C4orf50: variants seen among roughly 807,000 people sequenced by gnomAD.
The protein encoded by C4orf50 is uncharacterized protein C4orf50.
Under a neutral mutation model 77.2 loss-of-function variants are expected in C4orf50, and 80 were observed. The observed-to-expected ratio is 1.04, with a 90% confidence interval of 0.87 to 1.25. The LOEUF (loss-of-function observed/expected upper bound fraction) is 1.25, where lower values mean the gene tolerates loss of function less well. C4orf50 is among the 50% of genes most tolerant of loss of function. The pLI is 0.00. For missense variants in C4orf50, 1,257 were observed against 1,152.9 expected (o/e 1.09, Z -1.31); for synonymous variants, 532 against 465.3 (o/e 1.14, Z -1.84).
At chr4:5,977,558 T>C (rs1379947477) in intron 29 of C4orf50, among the ~76,000 whole-genome samples, 2 of 152,202 alleles carry the variant, frequency 1.3e-5, no homozygotes, top group African/African-American at 4.8e-5. Flanking sequence ...TTGCATGTTA[T>C]TTAATTACAA....
intron 7 of C4orf50, chr4:5,898,796 T>C (rs552090460): frequency 6.6e-6 from 1 of 152,364 alleles, no homozygotes; most frequent in African/African-American, 2.4e-5. Flanking sequence ...AAAGGGATCA[T>C]CAGCCCATGC....
In C4orf50 at chr4:6,011,146, A is replaced by G. The variant is rs1378416208; in HGVS notation, c.426+684T>C. 6.6e-6 allele frequency among the ~76,000 whole-genome samples: 1 copy of G among 151,938 alleles called. No individual in the cohort carries two copies. Among genetic ancestry groups the G allele is most frequent in the Non-Finnish European group, 1.5e-5 (1 of 67,980 alleles). ...TCATCTCTCTCTCCCATGCAGGGAG[A>G]ATGGCATTCCCCAAATGACCATCTG... On this transcript the variant is annotated intron_variant, in intron 24 of 33. Transcript: ENST00000531445. This position sits in a 1 kb window ranked among gnomAD's most constrained non-coding sequence, Gnocchi z 4.2.
rs1183664932 is a variant in C4orf50 at position 6,009,664 on chromosome 4, T to C, written c.427-1132A>G. On this transcript the variant is annotated intron_variant, in intron 24 of 33. Transcript: ENST00000531445. This position sits in a 1 kb window ranked among gnomAD's most constrained non-coding sequence, Gnocchi z 5.6. ...GAAACGAGGCATCTTCATATGCAAA[T>C]GCTTACTGGAAACATTGGCAGCAAC... 6.6e-6 allele frequency among the ~76,000 whole-genome samples: 1 copy of C among 152,204 alleles called. No homozygotes were observed. Among genetic ancestry groups the C allele is most frequent in the African/African-American group, 2.4e-5 (1 of 41,438 alleles).
chr4:5,969,301 A>G (rs1001766756), intron 31 of C4orf50, among the ~76,000 whole-genome samples: 1 of 151,778 alleles, frequency 6.6e-6, no homozygotes, highest in Non-Finnish European at 1.5e-5. Context: ...AGGCTTAGGG[A>G]TTGCTGATTT....
chr4:5,922,712 C>A (rs571985476), intron 7 of C4orf50, among the ~76,000 whole-genome samples: 2 of 152,302 alleles, frequency 1.3e-5, no homozygotes, highest in African/African-American at 4.8e-5. Flanking sequence ...ATGGCAGTGC[C>A]CAGCCTGCAG....
chr4:5,997,767 A>G (rs1311359789), intron 25 of C4orf50, among the ~76,000 whole-genome samples: 3 of 152,238 alleles, frequency 2.0e-5, no homozygotes, highest in African/African-American at 7.2e-5. Flanking sequence ...AGACATTGCG[A>G]AAGTTCTATT....
chr4:5,994,306 T>C (rs1046141411), intron 26 of C4orf50, 41 bp downstream of exon 4: 3 of 398,992 alleles, frequency 7.5e-6, no homozygotes, highest in African/African-American at 6.2e-5. Flanking sequence ...CAGTGGGTGC[T>C]GCCCGCGACT....
chr4:5,960,430 C>A (rs1207910715), intron 33 of C4orf50, among the ~76,000 whole-genome samples: 1 of 152,204 alleles, frequency 6.6e-6, no homozygotes, highest in Non-Finnish European at 1.5e-5. Context: ...CAGAATGGAG[C>A]CGACTTCTCC....
intron 33 of C4orf50, among the ~76,000 whole-genome samples, chr4:5,963,833 G>A (rs1419986608): frequency 2.0e-5 from 3 of 152,192 alleles, no homozygotes; most frequent in Non-Finnish European, 4.4e-5. Context: ...GTTACGTGCA[G>A]GCAGATGAAG....
intron 33 of C4orf50, among the ~76,000 whole-genome samples, chr4:5,962,824 G>A (rs1036204128): frequency 1.3e-5 from 2 of 152,138 alleles, no homozygotes; most frequent in African/African-American, 2.4e-5. Context: ...TTTCTGTTTC[G>A]CTGCTGTTGC....
chr4:6,006,793 T>G (rs779521500), intron 25 of C4orf50, among the ~76,000 whole-genome samples: 1 of 152,156 alleles, frequency 6.6e-6, no homozygotes, highest in Middle Eastern at 3.2e-3. Context: ...GCTGGGGCCC[T>G]CCTGTGTGCT....
At chr4:5,948,224 A>G (rs1718563777) in intron 7 of C4orf50, among the ~76,000 whole-genome samples, 2 of 152,342 alleles carry the variant, frequency 1.3e-5, no homozygotes, top group Middle Eastern at 6.8e-3. Context: ...TTAACTGAGG[A>G]ACTGAAGAGG....
At chr4:5,939,886 T>C (rs1718189312) in intron 7 of C4orf50, among the ~76,000 whole-genome samples, 1 of 152,224 alleles carries the variant, frequency 6.6e-6, no homozygotes, top group Non-Finnish European at 1.5e-5. Flanking sequence ...CCACCAACCA[T>C]GCAGTGGTTC....
At chr4:5,934,376 CAG>C (rs772969366) in intron 7 of C4orf50, among the ~76,000 whole-genome samples, 6 of 152,184 alleles carry the variant, frequency 3.9e-5, no homozygotes, top group Non-Finnish European at 7.3e-5. Flanking sequence ...AAACTCAGCA[CAG>C]AGTTTAGCAT....
At chr4:5,974,975 A>G (rs775392902) in intron 30 of C4orf50, among the ~76,000 whole-genome samples, 29 of 151,850 alleles carry the variant, frequency 1.9e-4, no homozygotes, top group African/African-American at 6.5e-4. Context: ...CCCTGTCTCT[A>G]CTAAAAATAC....
chr4:6,003,945 G>A (rs1277622737), intron 25 of C4orf50, among the ~76,000 whole-genome samples: 10 of 46,480 alleles, frequency 2.2e-4, no homozygotes, highest in Non-Finnish European at 4.0e-4. Flanking sequence ...TGGTGATGGT[G>A]ATGATGGTGA....
At chr4:5,930,341 C>T (rs1275097518) in intron 7 of C4orf50, among the ~76,000 whole-genome samples, 2 of 152,174 alleles carry the variant, frequency 1.3e-5, no homozygotes, top group Non-Finnish European at 2.9e-5. Context: ...ATTTGGTCAG[C>T]TCTATAGGGA....
At chr4:5,954,302 A>G (rs1466254534), downstream of C4orf50, among the ~76,000 whole-genome samples, 1 of 152,048 alleles carries the variant, frequency 6.6e-6, no homozygotes, top group Admixed American at 6.5e-5. This position sits in a 1 kb window ranked among gnomAD's most constrained non-coding sequence, Gnocchi z 4.7. Flanking sequence ...CCAGGGACCC[A>G]GCCCCGGGGC....
chr4:5,915,185 C>A (rs1369491968), intron 7 of C4orf50, among the ~76,000 whole-genome samples: 1 of 152,194 alleles, frequency 6.6e-6, no homozygotes, highest in African/African-American at 2.4e-5. Context: ...CTGGGTCCAC[C>A]TGCCTTAAGA....
Sources: allele counts gnomAD v4.1 joint callset (sites outside exome capture counted in the v4.1 genomes callset), GRCh38; gene constraint gnomAD v4.1.1; non-coding constraint Gnocchi (gnomAD v3.1); transcripts MANE v1.5; gene names NCBI Gene and HGNC (gene_info 2026-07-23, HGNC 2026-07-21).